CMIP: variants seen among roughly 807,000 people sequenced by gnomAD.
CMIP encodes c-Maf inducing protein.
Under a neutral mutation model 97.3 loss-of-function variants are expected in CMIP, and 13 were observed. The observed-to-expected ratio is 0.13, with a 90% CI of 0.09 to 0.21. The LOEUF (loss-of-function observed/expected upper bound fraction) is 0.21, where lower values mean the gene tolerates loss of function less well. CMIP is among the 10% of genes least tolerant of loss of function. The probability of loss-of-function intolerance (pLI) is 1.00; values close to 1 mark genes in which losing one functional copy is unlikely to be tolerated. For missense variants in CMIP, 847 were observed against 1,024.9 expected (o/e 0.83, Z 2.37); for synonymous variants, 538 against 436.3 (o/e 1.23, Z -2.91).
intron 1 of CMIP, among the ~76,000 whole-genome samples, chr16:81,459,644 G>A (rs1906783471): frequency 6.6e-6 from 1 of 152,202 alleles, no homozygotes; most frequent in South Asian, 2.1e-4. Flanking sequence ...TGCCCCTGAC[G>A]CATGCACTGC....
At chr16:81,474,239 T>C (rs1907743606) in intron 1 of CMIP, among the ~76,000 whole-genome samples, 1 of 152,138 alleles carries the variant, frequency 6.6e-6, no homozygotes, top group Admixed American at 6.5e-5. Context: ...AAGGTGACTG[T>C]GGGAGTCCAG....
chr16:81,681,196 C>T (rs1041031326), intron 10 of CMIP, among the ~76,000 whole-genome samples: 3 of 152,224 alleles, frequency 2.0e-5, no homozygotes, highest in Non-Finnish European at 2.9e-5. Context: ...CTTCCATCTT[C>T]GGGGAGCTCA....
chr16:81,480,789 T>G (rs1908212371), intron 1 of CMIP, among the ~76,000 whole-genome samples: 1 of 152,180 alleles, frequency 6.6e-6, no homozygotes, highest in Admixed American at 6.5e-5. Flanking sequence ...TATGATGACA[T>G]CAGTTTCCCC....
rs1005411265 is a variant in CMIP, at chr16:81,516,455, C to T, written c.300+70914C>T. The stretch of plus-strand genomic sequence containing the variant: ...GCCCTTGGTTTCTGCAGATACGTGC[C>T]GTGTTCCAGGCTTGGAAGCCCTCCC... On this transcript the variant is annotated intron_variant, in intron 1 of 20. Coordinates refer to ENST00000537098, the MANE Select transcript of CMIP (RefSeq NM_198390.3). 7.2e-5 allele frequency among the ~76,000 whole-genome samples: 11 copies of T among 152,326 alleles called. No individual in the cohort carries two copies. The East Asian group carries it at 7.7e-4, about 11-fold the overall frequency.
intron 1 of CMIP, among the ~76,000 whole-genome samples, chr16:81,548,603 G>A (rs1376158307): frequency 6.6e-6 from 1 of 152,012 alleles, no homozygotes; most frequent in Non-Finnish European, 1.5e-5. Context: ...TTCCTTGGGA[G>A]GCTGAGGTGG....
rs548509128 is a variant in CMIP at position 81,633,029 on chromosome 16, G to C, written c.477+12103G>C. Among the ~76,000 whole-genome samples the C allele has an allele frequency of 2.0e-5, 3 of 152,350 alleles. No individual in the cohort carries two copies. In the South Asian group the frequency reaches 6.2e-4, roughly 32 times the overall value. ...CCCGAGCGTTCGTGTGTCATCCAGCGCAGGCTTTGATGAGGCTGATGAGTC... is the reference window on the plus strand; with the variant it reads ...CCCGAGCGTTCGTGTGTCATCCAGCCCAGGCTTTGATGAGGCTGATGAGTC... On this transcript the variant is annotated intron_variant, in intron 3 of 20. Coordinates refer to ENST00000537098, the MANE Select transcript of CMIP (RefSeq NM_198390.3).
At chr16:81,559,928 A>G (rs1340266937) in intron 1 of CMIP, among the ~76,000 whole-genome samples, 1 of 152,034 alleles carries the variant, frequency 6.6e-6, no homozygotes, top group Non-Finnish European at 1.5e-5. Context: ...CAGGTAGATC[A>G]TCTGAGGTCA....
intron 1 of CMIP, among the ~76,000 whole-genome samples, chr16:81,551,739 A>G (rs1026438220): frequency 6.6e-6 from 1 of 152,210 alleles, no homozygotes; most frequent in East Asian, 1.9e-4. Flanking sequence ...TGGGGACATC[A>G]TAGGGGTCTG....
At chr16:81,539,688 C>T (rs2090412507) in intron 1 of CMIP, among the ~76,000 whole-genome samples, 1 of 152,156 alleles carries the variant, frequency 6.6e-6, no homozygotes, top group Non-Finnish European at 1.5e-5. Flanking sequence ...CACCTGAGGC[C>T]CGCAGTTCCT....
intron 7 of CMIP, among the ~76,000 whole-genome samples, chr16:81,668,805 T>C (rs2092639833): frequency 6.6e-6 from 1 of 151,494 alleles, no homozygotes; most frequent in African/African-American, 2.4e-5. Context: ...CACACATCCA[T>C]TCACACCCAC....
intron 2 of CMIP, among the ~76,000 whole-genome samples, chr16:81,615,454 G>A (rs1375763329): frequency 1.4e-5 from 2 of 147,870 alleles, no homozygotes; most frequent in African/African-American, 2.5e-5. Flanking sequence ...TGTATGGTGT[G>A]TGTGTGGTGT....
At chr16:81,597,597 G>GT (rs1405692903) in intron 1 of CMIP, among the ~76,000 whole-genome samples, 2 of 147,308 alleles carry the variant, frequency 1.4e-5, no homozygotes, top group South Asian at 2.1e-4. Flanking sequence ...GGGGAGCGGG[G>GT]GGGGGGGAGT....
chr16:81,666,796 T>A (rs2092608229), intron 7 of CMIP: 1 of 152,172 alleles, frequency 6.6e-6, no homozygotes, highest in Non-Finnish European at 1.5e-5. Context: ...CAGACTGTAT[T>A]AAACAGTGAT....
At chr16:81,575,033 G>T (rs549708635) in intron 1 of CMIP, among the ~76,000 whole-genome samples, 1 of 152,330 alleles carries the variant, frequency 6.6e-6, no homozygotes, top group Admixed American at 6.5e-5. Context: ...AAGGACACAG[G>T]TGTGCCCTGC....
chr16:81,476,441 T>C (rs2925999), intron 1 of CMIP: 376,998 of 933,610 alleles, frequency 0.4, 79,169 homozygotes, highest in African/African-American at 0.71. Flanking sequence ...GGAAACTTGT[T>C]TGCAAACAGC....
chr16:81,629,902 C>G (rs1201409178), intron 3 of CMIP, among the ~76,000 whole-genome samples: 1 of 152,354 alleles, frequency 6.6e-6, no homozygotes, highest in East Asian at 1.9e-4. Flanking sequence ...TGTATCTCAG[C>G]TTTCGCTTTA....
chr16:81,605,042 A>G (rs1267489268), intron 1 of CMIP, among the ~76,000 whole-genome samples: 1 of 152,222 alleles, frequency 6.6e-6, no homozygotes, highest in Non-Finnish European at 1.5e-5. Flanking sequence ...TCAGTGACCA[A>G]CACAATAAAT....
At chr16:81,461,113 C>T (rs1198131969) in intron 1 of CMIP, among the ~76,000 whole-genome samples, 1 of 152,164 alleles carries the variant, frequency 6.6e-6, no homozygotes, top group Non-Finnish European at 1.5e-5. Flanking sequence ...ACCCATTGTT[C>T]TGCAGCTTCT....
intron 1 of CMIP, among the ~76,000 whole-genome samples, chr16:81,569,041 T>G (rs1032995147): frequency 3.3e-5 from 5 of 152,338 alleles, no homozygotes; most frequent in African/African-American, 1.2e-4. Flanking sequence ...CCTGGAGAAC[T>G]CGCAGAGGTT....
Sources: gnomAD v4.1 joint callset for allele counts (sites outside exome capture counted in the v4.1 genomes callset) on GRCh38, gnomAD v4.1.1 for gene constraint, MANE v1.5 for transcripts, NCBI Gene and HGNC (gene_info 2026-07-23, HGNC 2026-07-21) for gene names.